The following EPHA5 variants were observed in gnomAD, a reference collection of about 807,000 sequenced individuals.
EPHA5 encodes ephrin type-A receptor 5.
EPHA5 carries 60 observed loss-of-function variants against 105.0 expected under a neutral mutation model. The ratio of observed to expected loss-of-function variants is 0.57; its 90% CI spans 0.46 to 0.71. The LOEUF is 0.71. Ranked by LOEUF, EPHA5 falls within the 30% of genes least tolerant of loss-of-function variation. The probability of loss-of-function intolerance (pLI) is 0.00; values close to 1 mark genes in which losing one functional copy is unlikely to be tolerated. For missense variants in EPHA5, 1,218 were observed against 1,274.7 expected, an observed-to-expected ratio of 0.96 and a Z score of 0.68; for synonymous variants, 513 against 449.1, an observed-to-expected ratio of 1.14 and a Z score of -1.80.
chr4:65,366,103 G>A (rs2148893331), intron 9 of EPHA5, 46 bp from the exon 10 acceptor site: 2 of 1,532,224 alleles, frequency 1.3e-6, no homozygotes, highest in Non-Finnish European at 1.8e-6. Flanking sequence ...TGTGATGGAT[G>A]AGCAAAATTA....
At chr4:65,504,900 A>C (rs1485467005) in intron 3 of EPHA5, among the ~76,000 whole-genome samples, 3 of 152,014 alleles carry the variant, frequency 2.0e-5, no homozygotes, top group Non-Finnish European at 4.4e-5. Context: ...CCTCTATAGC[A>C]CTAAGTTCTT....
At chr4:65,436,565 T>C (rs1161739791) in intron 5 of EPHA5, among the ~76,000 whole-genome samples, 1 of 151,984 alleles carries the variant, frequency 6.6e-6, no homozygotes, top group Non-Finnish European at 1.5e-5. Context: ...AACTAATTGG[T>C]ACCACATGCA....
At position 65,376,552 on chromosome 4, in the gene EPHA5, C is replaced by T. The variant is rs1447799211; in HGVS notation, c.1794-9128G>A. ...TACATGTGGCTTTGTTTTCCAGTGCCACGTGTATTCACAATGATATGACAA... is the reference window on the plus strand; with the variant it reads ...TACATGTGGCTTTGTTTTCCAGTGCTACGTGTATTCACAATGATATGACAA... On this transcript the variant is annotated intron_variant, in intron 8 of 16. Transcript: ENST00000613740. Among the ~76,000 whole-genome samples the T allele has an allele frequency of 2.0e-5, 3 of 151,902 alleles. No individual in the cohort carries two copies. In the East Asian group the frequency reaches 5.8e-4, roughly 29 times the overall value.
chr4:65,586,210 A>G (rs1250430252), intron 3 of EPHA5, among the ~76,000 whole-genome samples: 2 of 151,658 alleles, frequency 1.3e-5, no homozygotes, highest in South Asian at 4.2e-4. Context: ...TGTTATTTTG[A>G]ATAACATGAA....
At chr4:65,463,095 C>T (rs1411200337) in intron 5 of EPHA5, among the ~76,000 whole-genome samples, 1 of 152,130 alleles carries the variant, frequency 6.6e-6, no homozygotes, top group Non-Finnish European at 1.5e-5. Context: ...AAGTATTGGT[C>T]TATATTAAAA....
Position 65,378,583 on chromosome 4 carries a change from A to G in EPHA5, c.1794-11159T>C, listed in dbSNP as rs1014025973. ...TTCACTACTTGTTTTTGTAATTACAATTTTATTGGAACACTCACTGCTTGT... is the reference window on the plus strand; with the variant it reads ...TTCACTACTTGTTTTTGTAATTACAGTTTTATTGGAACACTCACTGCTTGT... On this transcript the variant is annotated intron_variant, in intron 8 of 16. Transcript: ENST00000613740. 5.9e-5 allele frequency among the ~76,000 whole-genome samples: 9 copies of G among 151,874 alleles called. No individual in the cohort carries two copies. The South Asian group carries it at 6.2e-4, about 10-fold the overall frequency.
intron 3 of EPHA5, among the ~76,000 whole-genome samples, chr4:65,570,888 T>C (rs917839508): frequency 3.3e-5 from 5 of 152,014 alleles, no homozygotes; most frequent in South Asian, 4.1e-4. Context: ...ATTTGGAAGA[T>C]AGCAATGGAG....
Position 65,375,786 on chromosome 4 carries a change from TACACAC to T in EPHA5, c.1794-8368_1794-8363del, listed in dbSNP as rs72454890. Among the ~76,000 whole-genome samples the T allele has an allele frequency of 5.8e-3, 769 of 132,512 alleles. 10 individuals carry two copies. Among genetic ancestry groups the T allele is most frequent in the African/African-American group, 0.018 (699 of 39,932 alleles). The allele number at this position is 132,512 out of a possible 152,430, so 86.9% of individuals were successfully genotyped here. A position where few individuals can be genotyped will look rare whatever the true frequency, so the allele number is the denominator to read the frequency against. Reference sequence around the variant, plus strand: ...TTCATAGCACAGAAACACACACACATACACACACACACACACACACACACACACTGT... The same window carrying T: ...TTCATAGCACAGAAACACACACACATACACACACACACACACACACACTGT... On this transcript the variant is annotated intron_variant, in intron 8 of 16. Coordinates refer to ENST00000613740, the MANE Select transcript of EPHA5 (RefSeq NM_001281766.3).
At chr4:65,435,664 A>G (rs1578112397) in intron 5 of EPHA5, among the ~76,000 whole-genome samples, 1 of 151,924 alleles carries the variant, frequency 6.6e-6, no homozygotes, top group African/African-American at 2.4e-5. Flanking sequence ...CCAGATCTGG[A>G]GTTGAGGAGA....
chr4:65,514,927 G>A (rs1044946155), intron 3 of EPHA5, among the ~76,000 whole-genome samples: 3 of 151,950 alleles, frequency 2.0e-5, no homozygotes, highest in African/African-American at 7.2e-5. Flanking sequence ...TCCTACCTCA[G>A]CCAATATTTC....
rs991744977 is a variant in EPHA5 at position 65,322,567 on chromosome 4, G to A, written c.*1547C>T. On this transcript the variant is annotated 3_prime_UTR_variant, in exon 17 of 17. Transcript: ENST00000613740. ...TTGGTTATCTCAGGAGCTCAGTTTTGGACAATTTCTAATACACTGCATAAT... is the reference window on the plus strand; with the variant it reads ...TTGGTTATCTCAGGAGCTCAGTTTTAGACAATTTCTAATACACTGCATAAT... 3.1e-5 allele frequency: 7 copies of A among 224,256 alleles called. No individual in the cohort carries two copies. The highest frequency in any genetic ancestry group is 1.3e-4 in the African/African-American group (6 of 44,712). 13.9% of individuals were successfully genotyped at this position (224,256 alleles called of 1,614,324 possible). A position where few individuals can be genotyped will look rare whatever the true frequency, so the allele number is the denominator to read the frequency against.
chr4:65,525,070 A>G (rs1243447970), intron 3 of EPHA5, among the ~76,000 whole-genome samples: 3 of 151,774 alleles, frequency 2.0e-5, no homozygotes, highest in Admixed American at 2.0e-4. Flanking sequence ...CTTATGGTGT[A>G]TATCTCATGC....
intron 8 of EPHA5, among the ~76,000 whole-genome samples, chr4:65,389,099 A>G (rs1425244697): frequency 6.6e-6 from 1 of 152,066 alleles, no homozygotes; most frequent in Non-Finnish European, 1.5e-5. Context: ...TTTCATCTTA[A>G]AAGTTGTCTG....
At chr4:65,528,103 G>C (rs1247980927) in intron 3 of EPHA5, among the ~76,000 whole-genome samples, 1 of 152,012 alleles carries the variant, frequency 6.6e-6, no homozygotes, top group Non-Finnish European at 1.5e-5. Flanking sequence ...AATTTGACCA[G>C]AAAATGTTAG....
chr4:65,602,993 G>C (rs1323137635), intron 2 of EPHA5, among the ~76,000 whole-genome samples: 1 of 151,994 alleles, frequency 6.6e-6, no homozygotes, highest in African/African-American at 2.4e-5. Flanking sequence ...ATGAAAGAAA[G>C]ATTAAAAATT....
intron 7 of EPHA5, among the ~76,000 whole-genome samples, chr4:65,412,634 T>TA (rs559781619): frequency 2.6e-5 from 4 of 152,200 alleles, no homozygotes; most frequent in Non-Finnish European, 4.4e-5. Flanking sequence ...ACTTCAGTAA[T>TA]AAAAAAACAG....
chr4:65,604,076 A>T (rs1743990896), intron 2 of EPHA5, among the ~76,000 whole-genome samples: 1 of 3,716 alleles, frequency 2.7e-4, no homozygotes, highest in Non-Finnish European at 1.5e-3. Flanking sequence ...TCTCTATAAA[A>T]AGAAAATAAA....
intron 3 of EPHA5, among the ~76,000 whole-genome samples, chr4:65,567,771 A>G (rs1739705177): frequency 6.6e-6 from 1 of 151,562 alleles, no homozygotes; most frequent in South Asian, 2.1e-4. Context: ...AATATGTATC[A>G]GTGGATCTTT....
intron 3 of EPHA5, among the ~76,000 whole-genome samples, chr4:65,576,899 T>G (rs1198934188): frequency 6.6e-6 from 1 of 152,166 alleles, no homozygotes; most frequent in Non-Finnish European, 1.5e-5. Context: ...ATGCAAATGC[T>G]CAGTCCCTTG....
Sources: gnomAD v4.1 joint callset for allele counts (sites outside exome capture counted in the v4.1 genomes callset) on GRCh38, gnomAD v4.1.1 for gene constraint, MANE v1.5 for transcripts, NCBI Gene and HGNC (gene_info 2026-07-23, HGNC 2026-07-21) for gene names.